Variants in DCDC1 observed in about 807,000 individuals in gnomAD.
DCDC1 encodes the protein doublecortin domain containing 1.
In DCDC1, 200 loss-of-function variants were observed where a neutral mutation model predicts 178.3. The ratio of observed to expected loss-of-function variants is 1.12; its 90% CI spans 1.00 to 1.26. The LOEUF is 1.26. DCDC1 is among the 50% of genes most tolerant of loss of function. The pLI is 0.00. For synonymous variants in DCDC1, 690 were observed against 604.8 expected, an observed-to-expected ratio of 1.14 and a Z score of -2.07; for missense variants, 1,983 against 1,749.2, an observed-to-expected ratio of 1.13 and a Z score of -2.38.
At chr11:30,946,441 C>A (rs185013399) in intron 21 of DCDC1, among the ~76,000 whole-genome samples, 1 of 152,298 alleles carries the variant, frequency 6.6e-6, no homozygotes, top group Non-Finnish European at 1.5e-5. Context: ...CTTAGACTGC[C>A]CACCACAATG....
At chr11:31,118,685 G>A (rs1045249725) in intron 11 of DCDC1, among the ~76,000 whole-genome samples, 6 of 152,194 alleles carry the variant, frequency 3.9e-5, no homozygotes, top group Middle Eastern at 3.2e-3. Context: ...GCAACAGTAA[G>A]GTTCAGTGGT....
chr11:31,247,421 T>C (rs534904432), intron 8 of DCDC1, among the ~76,000 whole-genome samples: 1 of 151,908 alleles, frequency 6.6e-6, no homozygotes, highest in Admixed American at 6.6e-5. Flanking sequence ...TGTAACTATA[T>C]CTACTCCTTG....
intron 9 of DCDC1, among the ~76,000 whole-genome samples, chr11:31,222,868 G>T (rs535947265): frequency 6.6e-6 from 1 of 152,220 alleles, no homozygotes; most frequent in African/African-American, 2.4e-5. Flanking sequence ...AGTCACATCA[G>T]GGGGATAGGA....
chr11:30,919,309 C>G (rs1029543816), intron 25 of DCDC1, among the ~76,000 whole-genome samples: 2 of 152,076 alleles, frequency 1.3e-5, no homozygotes, highest in Admixed American at 6.6e-5. Context: ...TCCTTGAAAA[C>G]AGTGATCTCT....
chr11:31,251,366 C>A lies in DCDC1; in HGVS notation c.1055-9750G>T, dbSNP rs1275511313. ...GAGTGTGTCTGTGAGGATGTTTAAG[C>A]ATTTGGATAGGATAAATATTTGAAT... On this transcript the variant is annotated intron_variant, in intron 8 of 38. Transcript: ENST00000684477. Among the ~76,000 whole-genome samples the A allele has an allele frequency of 2.0e-5, 3 of 152,102 alleles. No individual in the cohort carries two copies. The East Asian group carries it at 5.8e-4, about 29-fold the overall frequency.
chr11:31,064,502 A>T lies in DCDC1; in HGVS notation c.2558T>A (p.Leu853Gln), dbSNP rs762371789. 1.3e-6 allele frequency: 1 copy of T among 765,854 alleles called. No individual in the cohort carries two copies. The highest frequency in any genetic ancestry group is 2.4e-6 in the Non-Finnish European group (1 of 417,490). 47.4% of individuals were successfully genotyped at this position (765,854 alleles called of 1,614,324 possible). Reference protein sequence around the residue: ...GELTVALVRKLEEKHPKASAQ... With the variant: ...GELTVALVRKQEEKHPKASAQ... ...AGAAGCCTTAGGATGTTTCTCTTCC[A>T]GTTTCCTCACCAGTGCTACTGTCAG... Residue 853 changes from leucine (L) to glutamine (Q), a missense_variant, in exon 20 of 39, where the codon CTG becomes CAG. Leu to Gln is a moderately radical substitution (Grantham distance 113, BLOSUM62 -2). Coordinates refer to ENST00000684477, the MANE Select transcript of DCDC1 (RefSeq NM_001387274.1).
chr11:31,026,548 T>A (rs1447954804), intron 20 of DCDC1, among the ~76,000 whole-genome samples: 3 of 151,862 alleles, frequency 2.0e-5, no homozygotes, highest in Non-Finnish European at 4.4e-5. Context: ...GATCAGTGAC[T>A]GTACAAATTC....
At chr11:31,224,572 C>A (rs1295112595) in intron 9 of DCDC1, among the ~76,000 whole-genome samples, 1 of 151,990 alleles carries the variant, frequency 6.6e-6, no homozygotes, top group Non-Finnish European at 1.5e-5. Context: ...AAACAGACAA[C>A]CCACAGAGTA....
intron 3 of DCDC1, among the ~76,000 whole-genome samples, chr11:31,326,878 A>G (rs1335841744): frequency 6.6e-6 from 1 of 152,146 alleles, no homozygotes; most frequent in Non-Finnish European, 1.5e-5. Context: ...CATAAAGACT[A>G]GGGCATCACA....
intron 19 of DCDC1, 49 bp from the exon 20 acceptor site, chr11:31,064,675 A>T: frequency 1.3e-6 from 1 of 760,572 alleles, no homozygotes; most frequent in Non-Finnish European, 2.4e-6. Flanking sequence ...ATTGAATGGA[A>T]ATATCTAAAC....
chr11:30,870,765 T>C (rs943502070), intron 38 of DCDC1, among the ~76,000 whole-genome samples: 23 of 152,188 alleles, frequency 1.5e-4, no homozygotes, highest in African/African-American at 4.6e-4. Context: ...CAATTTTGTG[T>C]CAGCTGCTTA....
rs1334177032 is a variant in DCDC1 at position 31,027,059 on chromosome 11, A to AT, written c.2591+37409dup. 5.3e-5 allele frequency among the ~76,000 whole-genome samples: 8 copies of AT among 151,912 alleles called. No homozygotes were observed. The East Asian group carries it at 1.4e-3, about 26-fold the overall frequency. ...CCCATCATTGTGTAGTTACTATTAC[A>AT]TAAGTACTAACCAAACCAACATCAT... On this transcript the variant is annotated intron_variant, in intron 20 of 38. Transcript: ENST00000684477.
intron 1 of DCDC1, among the ~76,000 whole-genome samples, chr11:31,344,186 T>G (rs1950696578): frequency 6.6e-6 from 1 of 152,152 alleles, no homozygotes; most frequent in Non-Finnish European, 1.5e-5. Context: ...CATTAGAAAT[T>G]AAAGAAATAA....
intron 12 of DCDC1, among the ~76,000 whole-genome samples, chr11:31,108,082 T>C (rs760433244): frequency 5.3e-5 from 8 of 152,218 alleles, no homozygotes; most frequent in Non-Finnish European, 8.8e-5. Flanking sequence ...TGTCTCACGA[T>C]TGGCTGTAAA....
intron 27 of DCDC1, among the ~76,000 whole-genome samples, chr11:30,913,252 C>CA (rs1403443924): frequency 2.6e-5 from 4 of 151,844 alleles, no homozygotes; most frequent in Non-Finnish European, 4.4e-5. Flanking sequence ...ACTAAAAATA[C>CA]AAAAAATTAG....
chr11:31,041,562 CA>C (rs1363821613), intron 20 of DCDC1, among the ~76,000 whole-genome samples: 6 of 152,134 alleles, frequency 3.9e-5, no homozygotes, highest in African/African-American at 1.4e-4. Flanking sequence ...CAAGGTCATA[CA>C]GCTAGTAAGA....
chr11:31,134,602 C>T (rs1962889203), intron 10 of DCDC1, among the ~76,000 whole-genome samples: 1 of 152,218 alleles, frequency 6.6e-6, no homozygotes, highest in Non-Finnish European at 1.5e-5. Flanking sequence ...CTTCTAATAA[C>T]ATTCTACACA....
intron 7 of DCDC1, among the ~76,000 whole-genome samples, chr11:31,279,482 G>T (rs1946259815): frequency 6.6e-6 from 1 of 152,132 alleles, no homozygotes; most frequent in South Asian, 2.1e-4. Flanking sequence ...GCGAAGACTT[G>T]AAGCCAACTC....
intron 9 of DCDC1, among the ~76,000 whole-genome samples, chr11:31,184,310 CG>C (rs1483435738): frequency 3.3e-5 from 5 of 152,072 alleles, no homozygotes; most frequent in African/African-American, 1.2e-4. Flanking sequence ...AAGACTTAAA[CG>C]TAAGACCTAA....
Sources: gnomAD v4.1 joint callset for allele counts (sites outside exome capture counted in the v4.1 genomes callset) on GRCh38, gnomAD v4.1.1 for gene constraint, MANE v1.5 for transcripts, NCBI Gene and HGNC (gene_info 2026-07-23, HGNC 2026-07-21) for gene names.